TRPS1: variants seen among roughly 807,000 people sequenced by gnomAD.
TRPS1 encodes zinc finger transcription factor Trps1.
TRPS1 carries 6 observed loss-of-function variants against 101.2 expected under a neutral mutation model. The ratio of observed to expected loss-of-function variants is 0.06; its 90% CI spans 0.03 to 0.12. The LOEUF (loss-of-function observed/expected upper bound fraction) is 0.12. Among genes scored for constraint, TRPS1 ranks in the 10% least tolerant of loss-of-function variants. TRPS1 has a pLI of 1.00. For missense variants in TRPS1, 1,363 were observed against 1,567.0 expected (o/e 0.87, Z 2.20); for synonymous variants, 578 against 589.8 (o/e 0.98, Z 0.29).
intron 5 of TRPS1, among the ~76,000 whole-genome samples, chr8:115,472,855 T>C (rs927790373): frequency 2.0e-5 from 3 of 152,210 alleles, no homozygotes; most frequent in East Asian, 3.9e-4. Context: ...GTCTCTTTGC[T>C]AAAACACAGC....
intron 5 of TRPS1, among the ~76,000 whole-genome samples, chr8:115,459,304 A>C (rs559754623): frequency 6.6e-6 from 1 of 150,850 alleles, no homozygotes; most frequent in Non-Finnish European, 1.5e-5. Context: ...AGCCCAGGCA[A>C]CAGAGCAAGA....
At chr8:115,662,935 G>T (rs1382657061) in intron 1 of TRPS1, among the ~76,000 whole-genome samples, 1 of 151,970 alleles carries the variant, frequency 6.6e-6, no homozygotes, top group Non-Finnish European at 1.5e-5. Context: ...TGTCGCATTC[G>T]TTATATAAAC....
At chr8:115,667,921 C>A in intron 1 of TRPS1, 1 of 1,535,522 alleles carries the variant, frequency 6.5e-7, no homozygotes, top group South Asian at 1.2e-5. Flanking sequence ...TCACGAGCCC[C>A]CAGAAAACTT....
At position 115,590,708 on chromosome 8, in the gene TRPS1, G is replaced by A. The variant is rs191358383; in HGVS notation, c.2097-3104C>T. On this transcript the variant is annotated intron_variant, in intron 4 of 6. Transcript: ENST00000395715. ...TTTGGCTCTGTATTCTACAATGTAA[G>A]TAACTTCGAATAATTTACTGAACCT... 3.3e-5 allele frequency among the ~76,000 whole-genome samples: 5 copies of A among 152,290 alleles called. No individual in the cohort carries two copies. The South Asian group carries it at 1.0e-3, about 32-fold the overall frequency.
At chr8:115,461,127 G>T (rs1029732203) in intron 5 of TRPS1, among the ~76,000 whole-genome samples, 14 of 152,100 alleles carry the variant, frequency 9.2e-5, no homozygotes, top group African/African-American at 3.4e-4. Context: ...TCTGGGAATT[G>T]TAGGTAATAA....
At chr8:115,443,185 G>A (rs181551277) in intron 5 of TRPS1, among the ~76,000 whole-genome samples, 13 of 152,156 alleles carry the variant, frequency 8.5e-5, no homozygotes, top group Middle Eastern at 6.8e-3. Context: ...CAGGACAATC[G>A]CTTGAACCCA....
At chr8:115,500,666 T>C (rs1372362323) in intron 5 of TRPS1, among the ~76,000 whole-genome samples, 1 of 152,046 alleles carries the variant, frequency 6.6e-6, no homozygotes, top group Non-Finnish European at 1.5e-5. Flanking sequence ...GCCTCCCGGG[T>C]TCACGCCATT....
chr8:115,417,269 G>C (rs1812944517), intron 6 of TRPS1, among the ~76,000 whole-genome samples: 1 of 152,066 alleles, frequency 6.6e-6, no homozygotes, highest in South Asian at 2.1e-4. Context: ...GTGGGGGGTG[G>C]AATCTTTCTA....
chr8:115,501,289 T>C (rs947062644), intron 5 of TRPS1, among the ~76,000 whole-genome samples: 2 of 152,194 alleles, frequency 1.3e-5, no homozygotes, highest in African/African-American at 2.4e-5. Flanking sequence ...CCAGCTACTA[T>C]GTTAGGTGGT....
intron 5 of TRPS1, among the ~76,000 whole-genome samples, chr8:115,443,981 A>C (rs1265909354): frequency 6.6e-6 from 1 of 152,258 alleles, no homozygotes; most frequent in Non-Finnish European, 1.5e-5. Context: ...TCTAAAATGA[A>C]GATCTCACCT....
intron 5 of TRPS1, among the ~76,000 whole-genome samples, chr8:115,502,908 C>T (rs1426829061): frequency 6.6e-6 from 1 of 152,086 alleles, no homozygotes; most frequent in African/African-American, 2.4e-5. Context: ...TTTCTTGGTA[C>T]ACAACCTACT....
At chr8:115,534,702 T>C (rs560620494) in intron 5 of TRPS1, among the ~76,000 whole-genome samples, 1 of 152,330 alleles carries the variant, frequency 6.6e-6, no homozygotes, top group Non-Finnish European at 1.5e-5. Context: ...ATGTTAAGCA[T>C]ATCAACAACA....
intron 5 of TRPS1, among the ~76,000 whole-genome samples, chr8:115,538,219 G>A (rs760564025): frequency 1.3e-5 from 2 of 152,140 alleles, no homozygotes; most frequent in Non-Finnish European, 2.9e-5. Context: ...AACCCAAAAT[G>A]GCAACACTTA....
At chr8:115,425,061 G>C (rs1813155033) in intron 5 of TRPS1, among the ~76,000 whole-genome samples, 2 of 152,130 alleles carry the variant, frequency 1.3e-5, no homozygotes, top group African/African-American at 4.8e-5. Flanking sequence ...AAAATAGATG[G>C]TGGTTTGCAA....
rs1816138178 is a variant in TRPS1, at chr8:115,531,811, G to A, written c.2700+55190C>T. On this transcript the variant is annotated intron_variant, in intron 5 of 6. Coordinates refer to ENST00000395715, the MANE Select transcript of TRPS1 (RefSeq NM_014112.5). ...AATAAAGACCAGTAAAAGGATCGCT[G>A]AGCACAAGTGGAGGCATAACAGGGA... is the stretch of plus-strand genomic sequence containing the variant. Among the ~76,000 whole-genome samples, 6 of 152,270 alleles carry A rather than the reference G, an allele frequency of 3.9e-5. No homozygotes were observed. In the South Asian group the frequency reaches 1.2e-3, roughly 32 times the overall value.
At chr8:115,615,924 A>G (rs1237087421) in intron 3 of TRPS1, among the ~76,000 whole-genome samples, 1 of 152,228 alleles carries the variant, frequency 6.6e-6, no homozygotes. Context: ...GATTTTTACA[A>G]ATTTAAGCAT....
At chr8:115,548,729 T>C (rs1486158380) in intron 5 of TRPS1, among the ~76,000 whole-genome samples, 1 of 152,196 alleles carries the variant, frequency 6.6e-6, no homozygotes, top group Non-Finnish European at 1.5e-5. Context: ...CTCCTTTGAG[T>C]CTATAATTAA....
intron 5 of TRPS1, among the ~76,000 whole-genome samples, chr8:115,580,023 A>G (rs1223858484): frequency 2.6e-5 from 4 of 152,152 alleles, no homozygotes; most frequent in Admixed American, 6.6e-5. Context: ...ATAAAAGTCT[A>G]TAAGTAGTAT....
At chr8:115,489,029 A>G (rs1279214541) in intron 5 of TRPS1, among the ~76,000 whole-genome samples, 1 of 152,188 alleles carries the variant, frequency 6.6e-6, no homozygotes, top group Non-Finnish European at 1.5e-5. Context: ...CTCCCACTCC[A>G]TTATAATAAC....
Sources: allele counts gnomAD v4.1 joint callset (sites outside exome capture counted in the v4.1 genomes callset), GRCh38; gene constraint gnomAD v4.1.1; transcripts MANE v1.5; gene names NCBI Gene and HGNC (gene_info 2026-07-23, HGNC 2026-07-21).